EPS8L3: variants seen among roughly 807,000 people sequenced by gnomAD.
The protein encoded by EPS8L3 is epidermal growth factor receptor kinase substrate 8-like protein 3.
EPS8L3 carries 80 observed loss-of-function variants against 88.5 expected under a neutral mutation model. The observed-to-expected ratio is 0.90, with a 90% CI of 0.75 to 1.09. The LOEUF (loss-of-function observed/expected upper bound fraction) is 1.09. EPS8L3 is among the 50% of genes least tolerant of loss of function. The probability of loss-of-function intolerance (pLI) is 0.00; values close to 1 mark genes in which losing one functional copy is unlikely to be tolerated. For missense variants in EPS8L3, 721 were observed against 735.2 expected, an observed-to-expected ratio of 0.98 and a Z score of 0.22; for synonymous variants, 286 against 291.0, an observed-to-expected ratio of 0.98 and a Z score of 0.18.
intron 12 of EPS8L3, among the ~76,000 whole-genome samples, chr1:109,754,955 G>A (rs920978909): frequency 6.6e-6 from 1 of 152,218 alleles, no homozygotes; most frequent in Non-Finnish European, 1.5e-5. Context: ...TGCACAGACA[G>A]TGCATAAAAA....
chr1:109,757,510 C>T lies in EPS8L3; in HGVS notation c.940G>A (p.Val314Ile), dbSNP rs372941357. 3.2e-5 allele frequency: 52 copies of T among 1,613,994 alleles called. No homozygotes were observed. The highest frequency in any genetic ancestry group is 1.8e-4 in the Admixed American group (11 of 59,998). Residue 314 changes from valine to isoleucine, a missense_variant, in exon 11 of 19, where the codon GTA becomes ATA. Coordinates refer to ENST00000361965, the MANE Select transcript of EPS8L3 (RefSeq NM_133181.4). ...WLKETSAPEL[V>I]HILFKSLNFI... The stretch of plus-strand genomic sequence containing the variant: ...TTCAGGGACTTGAAGAGGATGTGTA[C>T]GAGCTCAGGGGCACTTGTCTCCTTC...
chr1:109,760,606 C>T (rs1650813258), intron 3 of EPS8L3, among the ~76,000 whole-genome samples: 1 of 152,018 alleles, frequency 6.6e-6, no homozygotes. Flanking sequence ...CTTGCTCTGC[C>T]TGCTGGGCCT....
At chr1:109,761,884 C>T in intron 1 of EPS8L3, 111 bp from the exon 2 acceptor site, 2 of 918,912 alleles carry the variant, frequency 2.2e-6, no homozygotes, top group East Asian at 2.6e-5. Flanking sequence ...TGGGACCAGA[C>T]CCAAAGCCCC....
chr1:109,753,220 A>C, intron 12 of EPS8L3, 22 bp from the exon 13 acceptor site: 1 of 1,584,102 alleles, frequency 6.3e-7, no homozygotes. Context: ...AACAAAGCTG[A>C]GTTCACATCC....
intron 12 of EPS8L3, among the ~76,000 whole-genome samples, chr1:109,756,030 T>C (rs953331548): frequency 6.6e-6 from 1 of 152,244 alleles, no homozygotes; most frequent in Non-Finnish European, 1.5e-5. Context: ...TCTTCTTTCA[T>C]GGAATAGAGC....
intron 12 of EPS8L3, among the ~76,000 whole-genome samples, chr1:109,754,241 T>A (rs1447656040): frequency 6.6e-6 from 1 of 152,262 alleles, no homozygotes; most frequent in Non-Finnish European, 1.5e-5. Flanking sequence ...TTTCTACCTC[T>A]GCCATTACTT....
chr1:109,757,344 C>T (rs917071629), intron 11 of EPS8L3, 137 bp downstream of exon 11: 1 of 1,147,034 alleles, frequency 8.7e-7, no homozygotes, highest in African/African-American at 1.5e-5. Flanking sequence ...CCTTGGCGTC[C>T]TTGGCTCTGA....
intron 7 of EPS8L3, 25 bp downstream of exon 7, chr1:109,758,499 A>G (rs973455040): frequency 9.0e-6 from 14 of 1,561,570 alleles, no homozygotes; most frequent in Non-Finnish European, 1.1e-5. Context: ...CCTCTCCTTC[A>G]CCTGCCCCCA....
At chr1:109,762,942 C>G (rs925924488) in intron 1 of EPS8L3, among the ~76,000 whole-genome samples, 1 of 152,130 alleles carries the variant, frequency 6.6e-6, no homozygotes, top group Non-Finnish European at 1.5e-5. Flanking sequence ...GTGTGTGTGT[C>G]CCGGGTGGGG....
intron 12 of EPS8L3, among the ~76,000 whole-genome samples, chr1:109,753,681 G>A (rs1231810044): frequency 6.6e-6 from 1 of 152,172 alleles, no homozygotes; most frequent in Admixed American, 6.5e-5. Flanking sequence ...GACTGACTCT[G>A]GGATGGGCTG....
intron 1 of EPS8L3, among the ~76,000 whole-genome samples, chr1:109,763,366 C>T (rs1330336811): frequency 1.3e-5 from 2 of 152,106 alleles, no homozygotes; most frequent in Admixed American, 1.3e-4. Flanking sequence ...CTGGTCAGCC[C>T]CACTCCCCAC....
chr1:109,761,840 C>A, intron 1 of EPS8L3, 67 bp from the exon 2 acceptor site: 2 of 1,430,586 alleles, frequency 1.4e-6, no homozygotes, highest in Middle Eastern at 1.7e-4. Flanking sequence ...CACAGCAGGG[C>A]AGGACAGTTG....
chr1:109,757,691 G>A (rs1650424419), intron 10 of EPS8L3, 111 bp downstream of exon 10: 7 of 1,403,508 alleles, frequency 5.0e-6, no homozygotes, highest in Admixed American at 1.8e-5. Flanking sequence ...GGTTCTAGGG[G>A]GAGTAGATGA....
chr1:109,762,195 T>C (rs896100202), intron 1 of EPS8L3, among the ~76,000 whole-genome samples: 5 of 152,194 alleles, frequency 3.3e-5, no homozygotes, highest in Non-Finnish European at 7.3e-5. Context: ...GGAGGCCCTC[T>C]TGTTCGACCC....
At chr1:109,760,515 C>T (rs1374640441) in intron 3 of EPS8L3, among the ~76,000 whole-genome samples, 2 of 152,024 alleles carry the variant, frequency 1.3e-5, no homozygotes, top group African/African-American at 2.4e-5. Flanking sequence ...CCCCCCTGCC[C>T]AGGGCCCAGC....
At chr1:109,751,580 T>C (rs765603572) in intron 16 of EPS8L3, 74 bp downstream of exon 16, 1 of 1,601,904 alleles carries the variant, frequency 6.2e-7, no homozygotes, top group African/African-American at 1.3e-5. Context: ...TCTCCTCTGC[T>C]TGCCACTGAA....
intron 1 of EPS8L3, 62 bp from the exon 2 acceptor site, chr1:109,761,835 C>A: frequency 7.6e-6 from 11 of 1,451,294 alleles, no homozygotes; most frequent in Non-Finnish European, 1.1e-5. Context: ...CCAGGCACAG[C>A]AGGGCAGGAC....
chr1:109,757,592 C>T, intron 10 of EPS8L3, 37 bp from the exon 11 acceptor site: 1 of 1,578,380 alleles, frequency 6.3e-7, no homozygotes. Context: ...CCACCCTTCA[C>T]CCCACCCCAT....
intron 6 of EPS8L3, among the ~76,000 whole-genome samples, 182 bp from the exon 7 acceptor site, chr1:109,758,845 G>T (rs1650585433): frequency 6.6e-6 from 1 of 151,948 alleles, no homozygotes; most frequent in Non-Finnish European, 1.5e-5. Flanking sequence ...CTACCCTCTG[G>T]GCCCTCTTGG....
Sources: gnomAD v4.1 joint callset for allele counts (sites outside exome capture counted in the v4.1 genomes callset) on GRCh38, gnomAD v4.1.1 for gene constraint, MANE v1.5 for transcripts, NCBI Gene and HGNC (gene_info 2026-07-23, HGNC 2026-07-21) for gene names.